Variants in CLPTM1L observed in about 807,000 individuals in gnomAD.
CLPTM1L encodes the protein lipid scramblase CLPTM1L.
In CLPTM1L, 38 loss-of-function variants were observed where a neutral mutation model predicts 70.9. That is an observed-to-expected ratio of 0.54 (90% confidence interval 0.41 to 0.70). CLPTM1L has a LOEUF of 0.70. CLPTM1L is among the 30% of genes least tolerant of loss of function. The pLI, the probability that CLPTM1L is intolerant of heterozygous loss-of-function variation, is 0.00. For missense variants in CLPTM1L, 652 were observed against 705.9 expected (o/e 0.92, Z 0.87); for synonymous variants, 339 against 299.9 (o/e 1.13, Z -1.35).
intron 16 of CLPTM1L, among the ~76,000 whole-genome samples, chr5:1,319,539 G>C (rs536423372): frequency 6.6e-6 from 1 of 152,238 alleles, no homozygotes; most frequent in Non-Finnish European, 1.5e-5. Context: ...ACAGGGCGGG[G>C]ACGGGAGCAC....
At chr5:1,328,422 C>T (rs1448088176) in intron 9 of CLPTM1L, among the ~76,000 whole-genome samples, 4 of 149,450 alleles carry the variant, frequency 2.7e-5, no homozygotes, top group Admixed American at 2.6e-4. Flanking sequence ...AGACACATTC[C>T]ATCCAGCTCC....
At chr5:1,320,565 A>T (rs1752090389) in intron 16 of CLPTM1L, 51 bp downstream of exon 16, 1 of 992,836 alleles carries the variant, frequency 1.0e-6, no homozygotes, top group Non-Finnish European at 1.5e-6. Context: ...GTTCAGCAGC[A>T]GCCACGCCGC....
chr5:1,325,327 C>G (rs573221706), intron 10 of CLPTM1L: 27 of 255,678 alleles, frequency 1.1e-4, no homozygotes, highest in African/African-American at 5.5e-4. Context: ...CCTCATCTGC[C>G]TAGGGGCCTT....
In CLPTM1L at chr5:1,320,594, G is replaced by A. The variant is rs764914071; in HGVS notation, c.1532+22C>T. On this transcript the variant is annotated intron_variant, in intron 16 of 16. Coordinates refer to ENST00000320895, the MANE Select transcript of CLPTM1L (RefSeq NM_030782.5). ...ACGCCGCTGAGACGGAGCAACGGCCGAGCATACGCAGCCGCACTCACCACC... is the reference window on the plus strand; with the variant it reads ...ACGCCGCTGAGACGGAGCAACGGCCAAGCATACGCAGCCGCACTCACCACC... 64 of 1,374,482 alleles carry A rather than the reference G, an allele frequency of 4.7e-5. No individual in the cohort carries two copies. The Admixed American group carries it at 1.0e-3, about 22-fold the overall frequency. The allele number at this position is 1,374,482 out of a possible 1,614,324, so 85.1% of individuals were successfully genotyped here.
At chr5:1,326,527 C>T (rs914629251) in intron 9 of CLPTM1L, 10 of 168,966 alleles carry the variant, frequency 5.9e-5, no homozygotes, top group Admixed American at 2.6e-4. Context: ...CCTCCTCTAC[C>T]GACACATTTC....
At chr5:1,326,986 C>CAGGGACATTCCATCCAGCTCCTCCTCG (rs1752628675) in intron 9 of CLPTM1L, among the ~76,000 whole-genome samples, 1 of 114,746 alleles carries the variant, frequency 8.7e-6, no homozygotes, top group East Asian at 3.7e-4. Context: ...GCTCCTCCTC[C>CAGGGACATTCCATCCAGCTCCTCCTCG]ACAGGGACAT....
rs772148054 is a variant in CLPTM1L, at chr5:1,323,774, T to G, written c.1280+13A>C. 2 of 1,605,250 alleles carry G rather than the reference T, an allele frequency of 1.2e-6. No homozygotes were observed. Among genetic ancestry groups the G allele is most frequent in the Non-Finnish European group, 1.7e-6 (2 of 1,172,326 alleles). ...GGAAAGACGCAGCAGGGGAAGCGTG[T>G]GCGGCCTCCTACCTCTTATATTTGA... is the stretch of plus-strand genomic sequence containing the variant. On this transcript the variant is annotated intron_variant, in intron 12 of 16. Coordinates refer to ENST00000320895, the MANE Select transcript of CLPTM1L (RefSeq NM_030782.5).
intron 3 of CLPTM1L, among the ~76,000 whole-genome samples, chr5:1,340,066 C>A (rs1753845111): frequency 6.6e-6 from 1 of 152,252 alleles, no homozygotes; most frequent in African/African-American, 2.4e-5. Flanking sequence ...TTCCGCCAGA[C>A]TCTCGCCAAA....
In CLPTM1L at chr5:1,322,920, G is replaced by GAA. The variant is rs201366704; in HGVS notation, c.1281-11_1281-10dup. 1 of 1,606,922 alleles carries GAA rather than the reference G, an allele frequency of 6.2e-7. No homozygotes were observed. Among genetic ancestry groups the GAA allele is most frequent in the Non-Finnish European group, 8.5e-7 (1 of 1,176,794 alleles). The stretch of plus-strand genomic sequence containing the variant: ...TTAACCAGGAGTACCAGCTGAAACG[G>GAA]AAAAAAAAGGAGAAGTCCTATTTCT... On this transcript the variant is annotated splice_polypyrimidine_tract_variant and intron_variant, in intron 12 of 16. Transcript: ENST00000320895.
intron 2 of CLPTM1L, among the ~76,000 whole-genome samples, chr5:1,343,375 GTTAA>G (rs1754070178): frequency 6.6e-6 from 1 of 152,220 alleles, no homozygotes; most frequent in Non-Finnish European, 1.5e-5. Flanking sequence ...GCGGAGCTGT[GTTAA>G]GAGTGCTCAT....
intron 7 of CLPTM1L, among the ~76,000 whole-genome samples, chr5:1,333,776 A>C (rs1753353270): frequency 6.6e-6 from 1 of 151,188 alleles, no homozygotes; most frequent in African/African-American, 2.4e-5. Context: ...GGATGAGGAT[A>C]AGGGGGGACT....
At chr5:1,320,499 T>G in intron 16 of CLPTM1L, 117 bp downstream of exon 16, 2 of 545,274 alleles carry the variant, frequency 3.7e-6, no homozygotes, top group Non-Finnish European at 6.2e-6. Context: ...ACCTGCAAAT[T>G]ATCTTTTCCC....
rs1579644943 is a variant in CLPTM1L at position 1,334,522 on chromosome 5, G to A, written c.797-139C>T. The A allele has an allele frequency of 8.2e-6, 5 of 609,650 alleles. No homozygotes were observed. The East Asian group carries it at 1.4e-4, about 17-fold the overall frequency. 37.8% of individuals were successfully genotyped at this position (609,650 alleles called of 1,614,324 possible). On this transcript the variant is annotated intron_variant, in intron 6 of 16. Transcript: ENST00000320895. ...TAAACCCAGCACTTTGGGAATCTCA[G>A]GCAGGCAGATCACTTGAAGTCAGGA... is the stretch of plus-strand genomic sequence containing the variant.
At chr5:1,323,463 G>A (rs910372473) in intron 12 of CLPTM1L, among the ~76,000 whole-genome samples, 75 of 151,656 alleles carry the variant, frequency 4.9e-4, no homozygotes, top group Middle Eastern at 3.4e-3. Flanking sequence ...GCAGAGGCCG[G>A]GGGCTCCGGG....
rs3222913 is a variant in CLPTM1L at position 1,342,039 on chromosome 5, T to TGTGCGCGCGCGCGCGC, written c.264-180_264-179insGCGCGCGCGCGCGCAC. ...GTGTGTGTGTGTGTGTGTGTGTGTG[T>TGTGCGCGCGCGCGCGC]GCACGCGCACGCGTGCGCGTCCTGA... On this transcript the variant is annotated intron_variant, in intron 2 of 16. Coordinates refer to ENST00000320895, the MANE Select transcript of CLPTM1L (RefSeq NM_030782.5). This position sits in a 1 kb window ranked among gnomAD's most constrained non-coding sequence, Gnocchi z 4.3. Among the ~76,000 whole-genome samples, 5 of 148,976 alleles carry TGTGCGCGCGCGCGCGC rather than the reference T, an allele frequency of 3.4e-5. No individual in the cohort carries two copies. Among genetic ancestry groups the TGTGCGCGCGCGCGCGC allele is most frequent in the African/African-American group, 1.3e-4 (5 of 39,664 alleles).
intron 9 of CLPTM1L, among the ~76,000 whole-genome samples, chr5:1,328,365 A>ATCCAGCTCCTCCTCTACAGGGACATTTCT (rs1236313735): frequency 1.2e-5 from 1 of 80,610 alleles, no homozygotes; most frequent in Non-Finnish European, 2.5e-5. Flanking sequence ...GACACATTTC[A>ATCCAGCTCCTCCTCTACAGGGACATTTCT]TCCAGCTCCT....
Position 1,322,866 on chromosome 5 carries a change from C to T in CLPTM1L, c.1315+11G>A. 3 of 1,613,664 alleles carry T rather than the reference C, an allele frequency of 1.9e-6. No individual in the cohort carries two copies. Among genetic ancestry groups the T allele is most frequent in the Non-Finnish European group, 2.5e-6 (3 of 1,179,632 alleles). On this transcript the variant is annotated intron_variant, in intron 13 of 16. Transcript: ENST00000320895. ...ACACTAGTACTGAAGCAGGGAAGCA[C>T]ATGGACTCACCGTTGACGAAGCTGT...
intron 4 of CLPTM1L, 35 bp downstream of exon 4, chr5:1,338,825 T>G (rs1257429600): frequency 1.2e-6 from 2 of 1,609,930 alleles, no homozygotes; most frequent in Admixed American, 3.3e-5. Flanking sequence ...CCCAGCACCC[T>G]CCCCCCGGCG....
intron 9 of CLPTM1L, 155 bp from the exon 10 acceptor site, chr5:1,325,971 T>A: frequency 3.1e-6 from 2 of 637,646 alleles, no homozygotes. Context: ...GCCAGAGCGC[T>A]GGAGGCTGGA....
Sources: gnomAD v4.1 joint callset for allele counts (sites outside exome capture counted in the v4.1 genomes callset) on GRCh38, gnomAD v4.1.1 for gene constraint, Gnocchi (gnomAD v3.1) non-coding constraint, MANE v1.5 for transcripts, NCBI Gene and HGNC (gene_info 2026-07-23, HGNC 2026-07-21) for gene names.